CHPF: variants seen among roughly 807,000 people sequenced by gnomAD.
The protein encoded by CHPF is chondroitin polymerizing factor, also known as chondroitin polymerizing factor, non-catalytic subunit.
Under a neutral mutation model 55.1 loss-of-function variants are expected in CHPF, and 34 were observed. The observed-to-expected ratio is 0.62, with a 90% CI of 0.47 to 0.82. The LOEUF is 0.82. Ranked by LOEUF, CHPF falls within the 40% of genes least tolerant of loss-of-function variation. The pLI, the probability that CHPF is intolerant of heterozygous loss-of-function variation, is 0.00. For synonymous variants in CHPF, 489 were observed against 496.6 expected (o/e 0.98, Z 0.20); for missense variants, 961 against 1,106.1 (o/e 0.87, Z 1.86).
In CHPF at chr2:219,539,625, C is replaced by G. The variant is rs142415191; in HGVS notation, c.2086G>C (p.Glu696Gln). Residue 696 changes from glutamate to glutamine, a missense_variant, in exon 4 of 4, where the codon GAA becomes CAA. By Grantham distance (29) the Glu-to-Gln change is conservative. This residue lies in a region of CHPF where 936 missense variants were observed against 1,058.4 expected (regional missense o/e 0.88). Transcript: ENST00000243776. ...CTCTCCAGCAGCTCCTCTTCTTGTTCTGAGGCTGCCGCCAGGCGCCCACGG... is the reference window on the plus strand; with the variant it reads ...CTCTCCAGCAGCTCCTCTTCTTGTTGTGAGGCTGCCGCCAGGCGCCCACGG... ...AARGRLAAAS[E>Q]QEEELLESLD... The G allele has an allele frequency of 5.5e-5, 89 of 1,613,618 alleles. No individual in the cohort carries two copies. The highest frequency in any genetic ancestry group is 5.0e-4 in the Middle Eastern group (3 of 6,060).
chr2:219,543,249 C>A lies in CHPF; in HGVS notation c.290G>T (p.Gly97Val). ...CCTGACGGCCTTTTTGGCGGCCTGG[C>A]CGGGCTGTGCAGGGTGGTAGGGCAA... ...RVLPYHPAQP[G>V]QAAKKAVRTR... is the part of the protein sequence containing the mutation. The change falls in exon 1 of 4, where the codon GGC becomes GTC. Residue 97 changes from glycine (G) to valine (V), a missense_variant. Around this residue, in one of 3 missense-constraint regions of CHPF, gnomAD observed 936 missense variants for 1,058.4 expected, o/e 0.88. Transcript: ENST00000243776. 7 of 1,560,372 alleles carry A rather than the reference C, an allele frequency of 4.5e-6. No individual in the cohort carries two copies. Among genetic ancestry groups the A allele is most frequent in the Non-Finnish European group, 5.2e-6 (6 of 1,163,278 alleles).
At chr2:219,540,698 G>A in intron 3 of CHPF, 56 bp from the exon 4 acceptor site, 1 of 1,497,004 alleles carries the variant, frequency 6.7e-7, no homozygotes, top group South Asian at 1.3e-5. Context: ...GCAGCACACA[G>A]CTGGGGGACT....
Position 219,539,631 on chromosome 2 carries a change from C to G in CHPF, c.2080G>C (p.Ala694Pro). 1 of 1,613,590 alleles carries G rather than the reference C, an allele frequency of 6.2e-7. No individual in the cohort carries two copies. Among genetic ancestry groups the G allele is most frequent in the Non-Finnish European group, 8.5e-7 (1 of 1,179,964 alleles). Residue 694 changes from alanine to proline, a missense_variant, in exon 4 of 4, where the codon GCC becomes CCC. Around this residue, in one of 3 missense-constraint regions of CHPF, gnomAD observed 936 missense variants for 1,058.4 expected, o/e 0.88. Coordinates refer to ENST00000243776, the MANE Select transcript of CHPF (RefSeq NM_024536.6). ...YVAARGRLAAASEQEEELLES... is the reference protein window; with the variant it reads ...YVAARGRLAAPSEQEEELLES... ...AGCAGCTCCTCTTCTTGTTCTGAGG[C>G]TGCCGCCAGGCGCCCACGGGCTGCC... is the stretch of plus-strand genomic sequence containing the variant.
In CHPF at chr2:219,540,546, A is replaced by G; in HGVS notation, c.1165T>C (p.Phe389Leu). The change falls in exon 4 of 4, where the codon TTT becomes CTT. Residue 389 changes from phenylalanine (F) to leucine (L), a missense_variant. Transcript: ENST00000243776. ...AAGTAGTCCCAGCGCAGCACCTCAA[A>G]GCGGGAGGCCGGGCGGGATGGTGCT... ...IPAPSRPASR[F>L]EVLRWDYFTE... The G allele has an allele frequency of 1.2e-6, 2 of 1,614,028 alleles. No homozygotes were observed. The highest frequency in any genetic ancestry group is 1.1e-5 in the South Asian group (1 of 91,074).
Position 219,543,588 on chromosome 2 carries a change from G to A in CHPF, c.-50C>T. ...CCCCGGCGAACCCCCAGAGCAGCCAGAGGAGTCTCCGAGGGGGCGGGACCG... is the reference window on the plus strand; with the variant it reads ...CCCCGGCGAACCCCCAGAGCAGCCAAAGGAGTCTCCGAGGGGGCGGGACCG... On this transcript the variant is annotated 5_prime_UTR_variant, in exon 1 of 4. Coordinates refer to ENST00000243776, the MANE Select transcript of CHPF (RefSeq NM_024536.6). The A allele has an allele frequency of 7.7e-7, 1 of 1,290,634 alleles. No individual in the cohort carries two copies. Among genetic ancestry groups the A allele is most frequent in the Non-Finnish European group, 9.8e-7 (1 of 1,016,216 alleles). The allele number at this position is 1,290,634 out of a possible 1,614,324, so 79.9% of individuals were successfully genotyped here. A position where few individuals can be genotyped will look rare whatever the true frequency, so the allele number is the denominator to read the frequency against.
In CHPF at chr2:219,540,583, G is replaced by A. The variant is rs757873151; in HGVS notation, c.1128C>T (p.Pro376=). 5.0e-6 allele frequency: 8 copies of A among 1,612,798 alleles called. No homozygotes were observed. Among genetic ancestry groups the A allele is most frequent in the South Asian group, 1.1e-5 (1 of 90,904 alleles). The change falls in exon 4 of 4, where the codon CCC becomes CCT. Residue 376 remains proline (P), a synonymous_variant. Coordinates refer to ENST00000243776, the MANE Select transcript of CHPF (RefSeq NM_024536.6). ...GGCGGGATGGTGCTGGAATACCCAC[G>A]GGCCAAGCAGCTGCCTGGTCCCCAT... ...AVDGDQAAAW[P]VGIPAPSRPA...
At chr2:219,543,186 C>T (rs1383259529) in intron 1 of CHPF, 39 bp downstream of exon 1, 7 of 1,408,876 alleles carry the variant, frequency 5.0e-6, no homozygotes, top group Non-Finnish European at 6.4e-6. Context: ...GCTTCCCGGC[C>T]GCTGCCCAGG....
At position 219,541,619 on chromosome 2, in the gene CHPF, G is replaced by T. The variant is rs572714774; in HGVS notation, c.885C>A (p.His295Gln). 6.4e-7 allele frequency: 1 copy of T among 1,561,214 alleles called. No homozygotes were observed. Among genetic ancestry groups the T allele is most frequent in the East Asian group, 2.3e-5 (1 of 43,922 alleles). Residue 295 changes from histidine to glutamine, a missense_variant, in exon 2 of 4, where the codon CAC becomes CAA. Coordinates refer to ENST00000243776, the MANE Select transcript of CHPF (RefSeq NM_024536.6). The stretch of plus-strand genomic sequence containing the variant: ...GTGGGATAGCTTATCATCCCACCTC[G>T]TGGTCACCAGTGCAGCCCACCCCGG... ...DATGVGCTGD[H>Q]EGVHYSHLEL...
In CHPF at chr2:219,539,670, T is replaced by C. The variant is rs1559122600; in HGVS notation, c.2041A>G (p.Asn681Asp). ...RQAASEACFY[N>D]SDYVAARGRL... ...CCACGGGCTGCCACATAGTCGGAGT[T>C]GTAGAAGCAGGCCTCGCTGGCTGCC... Residue 681 changes from asparagine to aspartate, a missense_variant, in exon 4 of 4, where the codon AAC becomes GAC. Around this residue, in one of 3 missense-constraint regions of CHPF, gnomAD observed 936 missense variants for 1,058.4 expected, o/e 0.88. Coordinates refer to ENST00000243776, the MANE Select transcript of CHPF (RefSeq NM_024536.6). 1 of 1,613,412 alleles carries C rather than the reference T, an allele frequency of 6.2e-7. No individual in the cohort carries two copies. The highest frequency in any genetic ancestry group is 8.5e-7 in the Non-Finnish European group (1 of 1,179,958).
At chr2:219,542,409 C>T (rs1206952770) in intron 1 of CHPF, among the ~76,000 whole-genome samples, 1 of 152,080 alleles carries the variant, frequency 6.6e-6, no homozygotes, top group Non-Finnish European at 1.5e-5. Context: ...CAATACCCAC[C>T]CAGATAGGAG....
Position 219,543,503 on chromosome 2 carries a change from G to A in CHPF, c.36C>T (p.Pro12=). The change falls in exon 1 of 4, where the codon CCC becomes CCT. Residue 12 remains proline (P), a synonymous_variant. Transcript: ENST00000243776. ...AGATGCCCACGGCCACGGGCCCTGC[G>A]GGCCGCAGCACCGACAGCAGCAGCG... ...RASLLLSVLR[P]AGPVAVGISL... 4 of 1,372,442 alleles carry A rather than the reference G, an allele frequency of 2.9e-6. No homozygotes were observed. Among genetic ancestry groups the A allele is most frequent in the South Asian group, 3.4e-5 (2 of 59,178 alleles). The allele number at this position is 1,372,442 out of a possible 1,614,324, so 85.0% of individuals were successfully genotyped here. A position where few individuals can be genotyped will look rare whatever the true frequency, so the allele number is the denominator to read the frequency against.
At position 219,540,398 on chromosome 2, in the gene CHPF, T is replaced by C. The variant is rs774921566; in HGVS notation, c.1313A>G (p.His438Arg). 6.2e-7 allele frequency: 1 copy of C among 1,613,944 alleles called. No homozygotes were observed. Among genetic ancestry groups the C allele is most frequent in the Non-Finnish European group, 8.5e-7 (1 of 1,179,958 alleles). Residue 438 changes from histidine (H) to arginine (R), a missense_variant, in exon 4 of 4, where the codon CAC becomes CGC. By Grantham distance (29) the His-to-Arg change is conservative (BLOSUM62 0). Transcript: ENST00000243776. ...CTGCTTCTGGAGCCGCAAGGCCGGG[T>C]GGTAGCGGCGGTTCAGCTCCTCTAG... is the stretch of plus-strand genomic sequence containing the variant. The part of the protein sequence containing the change: ...TALEELNRRY[H>R]PALRLQKQQL...
rs1166876669 is a variant in CHPF at position 219,539,622 on chromosome 2, G to A, written c.2089C>T (p.Gln697Ter). Residue 697 changes from glutamine (Q) to a stop codon, truncating the protein, a stop_gained, in exon 4 of 4, where the codon CAA becomes TAA. Coordinates refer to ENST00000243776, the MANE Select transcript of CHPF (RefSeq NM_024536.6). LOFTEE classifies it high-confidence loss of function. ...AGGCTCTCCAGCAGCTCCTCTTCTT[G>A]TTCTGAGGCTGCCGCCAGGCGCCCA... ...ARGRLAAASEQEEELLESLDV... is the reference protein window; with the variant it reads ...ARGRLAAASE 3 of 1,613,808 alleles carry A rather than the reference G, an allele frequency of 1.9e-6. No homozygotes were observed. Among genetic ancestry groups the A allele is most frequent in the Non-Finnish European group, 2.5e-6 (3 of 1,179,986 alleles).
intron 2 of CHPF, 71 bp from the exon 3 acceptor site, chr2:219,541,196 A>C (rs1695263052): frequency 2.8e-3 from 3,861 of 1,359,968 alleles, no homozygotes; most frequent in Non-Finnish European, 3.5e-3. Flanking sequence ...TAAGTGTCTC[A>C]TCTCCTCAGC....
chr2:219,540,349 G>C lies in CHPF; in HGVS notation c.1362C>G (p.Arg454=). 1 of 1,614,022 alleles carries C rather than the reference G, an allele frequency of 6.2e-7. No homozygotes were observed. The change falls in exon 4 of 4, where the codon CGC becomes CGG. Residue 454 remains arginine, a synonymous_variant. Coordinates refer to ENST00000243776, the MANE Select transcript of CHPF (RefSeq NM_024536.6). ...QKQQLVNGYR[R]FDPARGMEYT... The stretch of plus-strand genomic sequence containing the variant: ...ATTCCATACCCCGGGCCGGATCAAA[G>C]CGTCGGTAGCCATTCACCAGCTGCT...
At position 219,542,236 on chromosome 2, in the gene CHPF, GGGGT is replaced by G; in HGVS notation, c.315-51_315-48del. On this transcript the variant is annotated intron_variant, in intron 1 of 3. Coordinates refer to ENST00000243776, the MANE Select transcript of CHPF (RefSeq NM_024536.6). Reference sequence around the variant, plus strand: ...GCTTATCAAAAGGACAACGGGGCGGGGGGTGGGGGGGAGGTGGTCAGCACAGACC... The same window carrying G: ...GCTTATCAAAAGGACAACGGGGCGGGGGGGGGGAGGTGGTCAGCACAGACC... 9.7e-6 allele frequency: 3 copies of G among 310,366 alleles called. No individual in the cohort carries two copies. In the South Asian group the frequency reaches 1.0e-4, roughly 11 times the overall value. The allele number at this position is 310,366 out of a possible 1,614,324, so 19.2% of individuals were successfully genotyped here.
At chr2:219,542,920 A>T in intron 1 of CHPF, 2 of 1,207,986 alleles carry the variant, frequency 1.7e-6, no homozygotes, top group Non-Finnish European at 2.1e-6. Context: ...CACCCTATAT[A>T]TAAGTCATTT....
At position 219,543,206 on chromosome 2, in the gene CHPF, G is replaced by T. The variant is rs1402311743; in HGVS notation, c.314+19C>A. 1 of 1,503,892 alleles carries T rather than the reference G, an allele frequency of 6.6e-7. No individual in the cohort carries two copies. Among genetic ancestry groups the T allele is most frequent in the South Asian group, 1.3e-5 (1 of 78,626 alleles). 93.2% of individuals were successfully genotyped at this position (1,503,892 alleles called of 1,614,324 possible). A position where few individuals can be genotyped will look rare whatever the true frequency, so the allele number is the denominator to read the frequency against. The stretch of plus-strand genomic sequence containing the variant: ...CCGGCCGCTGCCCAGGGGGTAGAGC[G>T]GGCGCAGCCGATCACTACCTGACGG... On this transcript the variant is annotated intron_variant, in intron 1 of 3. Transcript: ENST00000243776.
Position 219,541,914 on chromosome 2 carries a change from AG to A in CHPF, c.589del (p.Leu197TrpfsTer16). On this transcript the variant is annotated frameshift_variant, in exon 2 of 4. Coordinates refer to ENST00000243776, the MANE Select transcript of CHPF (RefSeq NM_024536.6). LOFTEE classifies it high-confidence loss of function. ...CTCGGTGTAGGTGGTGTCAGGCACC[AG>A]GAAGAACCAGTCAAAGTCGTCGCCG... ...QHGDDFDWFF[L>X]VPDTTYTEAH... 1 of 1,613,592 alleles carries A rather than the reference AG, an allele frequency of 6.2e-7. No homozygotes were observed. The highest frequency in any genetic ancestry group is 8.5e-7 in the Non-Finnish European group (1 of 1,179,840).
Sources: allele counts gnomAD v4.1 joint callset (sites outside exome capture counted in the v4.1 genomes callset), GRCh38; gene constraint gnomAD v4.1.1; regional missense constraint gnomAD v4.1.1; transcripts MANE v1.5; gene names NCBI Gene and HGNC (gene_info 2026-07-23, HGNC 2026-07-21).